Variants in CTNNA3 observed in about 807,000 individuals in gnomAD.
The protein encoded by CTNNA3 is catenin alpha-3.
In CTNNA3, 76 loss-of-function variants were observed where a neutral mutation model predicts 95.7. The ratio of observed to expected loss-of-function variants is 0.79; its 90% CI spans 0.66 to 0.96. The LOEUF (loss-of-function observed/expected upper bound fraction) is 0.96, where lower values mean the gene tolerates loss of function less well. Ranked by LOEUF, CTNNA3 falls within the 40% of genes least tolerant of loss-of-function variation. The probability of loss-of-function intolerance (pLI) is 0.00; values close to 1 mark genes in which losing one functional copy is unlikely to be tolerated. For synonymous variants in CTNNA3, 431 were observed against 374.4 expected, an observed-to-expected ratio of 1.15 and a Z score of -1.74; for missense variants, 1,191 against 1,089.8, an observed-to-expected ratio of 1.09 and a Z score of -1.31.
At chr10:67,024,632 G>A (rs759770380) in intron 7 of CTNNA3, among the ~76,000 whole-genome samples, 1 of 152,090 alleles carries the variant, frequency 6.6e-6, no homozygotes, top group Non-Finnish European at 1.5e-5. Context: ...AGCCATATAT[G>A]CAAATGGGTG....
At chr10:66,803,155 C>T (rs1016144358) in intron 7 of CTNNA3, among the ~76,000 whole-genome samples, 1 of 151,970 alleles carries the variant, frequency 6.6e-6, no homozygotes, top group African/African-American at 2.4e-5. Flanking sequence ...TTTTTATCTT[C>T]TTACAATAGA....
chr10:67,373,303 A>G (rs540008411), intron 5 of CTNNA3, among the ~76,000 whole-genome samples: 2 of 152,234 alleles, frequency 1.3e-5, no homozygotes, highest in Non-Finnish European at 2.9e-5. Flanking sequence ...TGGAAAACAA[A>G]AAAAAGGCAG....
At chr10:67,394,141 T>G (rs1450884672) in intron 5 of CTNNA3, among the ~76,000 whole-genome samples, 1 of 152,146 alleles carries the variant, frequency 6.6e-6, no homozygotes, top group Non-Finnish European at 1.5e-5. Context: ...TATGACTCTT[T>G]TGTGTGTGTG....
Position 67,750,731 on chromosome 10 carries a change from A to T in CTNNA3, c.-2+12703T>A, listed in dbSNP as rs904948179. On this transcript the variant is annotated intron_variant, in intron 1 of 17. Transcript: ENST00000684154. ...TGGGAGGCCATGGAGGAGCTGGTGG[A>T]TGAGGGGCTGGTGAAAGCCCTTGGG... 1.9e-6 allele frequency: 3 copies of T among 1,582,154 alleles called. No individual in the cohort carries two copies. In the African/African-American group the frequency reaches 4.0e-5, roughly 21 times the overall value.
At chr10:66,000,729 C>G (rs1258598703) in intron 15 of CTNNA3, among the ~76,000 whole-genome samples, 1 of 152,112 alleles carries the variant, frequency 6.6e-6, no homozygotes, top group Non-Finnish European at 1.5e-5. Flanking sequence ...AGACACTATA[C>G]TATACACACA....
At chr10:66,643,294 T>C (rs1443749423) in intron 9 of CTNNA3, among the ~76,000 whole-genome samples, 1 of 152,192 alleles carries the variant, frequency 6.6e-6, no homozygotes, top group Non-Finnish European at 1.5e-5. Flanking sequence ...GAATTCAATG[T>C]ATCTTGTACA....
chr10:67,004,075 C>A (rs1851832845), intron 7 of CTNNA3, among the ~76,000 whole-genome samples: 1 of 151,808 alleles, frequency 6.6e-6, no homozygotes, highest in Non-Finnish European at 1.5e-5. Context: ...AAATAACTTA[C>A]CTGCATTTTG....
At chr10:66,428,738 G>C (rs1392977409) in intron 11 of CTNNA3, among the ~76,000 whole-genome samples, 1 of 151,820 alleles carries the variant, frequency 6.6e-6, no homozygotes, top group Non-Finnish European at 1.5e-5. Flanking sequence ...AGAATATCTG[G>C]GACACATTTA....
At chr10:67,486,807 T>A (rs190708074) in intron 5 of CTNNA3, among the ~76,000 whole-genome samples, 246 of 152,342 alleles carry the variant, frequency 1.6e-3, no homozygotes, top group African/African-American at 5.5e-3. Flanking sequence ...TTGTTTTATA[T>A]ATGAAGAATT....
At chr10:66,102,020 A>G (rs2081653905) in intron 14 of CTNNA3, among the ~76,000 whole-genome samples, 1 of 152,132 alleles carries the variant, frequency 6.6e-6, no homozygotes, top group Non-Finnish European at 1.5e-5. Flanking sequence ...TGTGACATGG[A>G]GTTAACCAAA....
chr10:67,717,650 G>A (rs1295449774), intron 1 of CTNNA3, among the ~76,000 whole-genome samples: 1 of 152,066 alleles, frequency 6.6e-6, no homozygotes, highest in Non-Finnish European at 1.5e-5. Flanking sequence ...TTATTTCTGA[G>A]GCCTCTGTTC....
intron 11 of CTNNA3, among the ~76,000 whole-genome samples, chr10:66,462,259 GA>G (rs1349586738): frequency 3.9e-5 from 6 of 152,048 alleles, no homozygotes; most frequent in African/African-American, 1.4e-4. Flanking sequence ...TTATTGACAG[GA>G]AAAGACTTAA....
chr10:66,762,488 GT>G (rs1839640026), intron 9 of CTNNA3, among the ~76,000 whole-genome samples: 2 of 151,756 alleles, frequency 1.3e-5, no homozygotes, highest in South Asian at 4.2e-4. Context: ...ACTATCCAGG[GT>G]TTTATAACCA....
chr10:67,595,286 C>A (rs1842905811), intron 3 of CTNNA3, among the ~76,000 whole-genome samples: 1 of 152,130 alleles, frequency 6.6e-6, no homozygotes, highest in South Asian at 2.1e-4. Context: ...TATAAACTTT[C>A]CTCTTAACAC....
At chr10:67,209,937 T>C (rs1864071836) in intron 6 of CTNNA3, among the ~76,000 whole-genome samples, 1 of 151,850 alleles carries the variant, frequency 6.6e-6, no homozygotes, top group Non-Finnish European at 1.5e-5. Flanking sequence ...AGACTAAAAA[T>C]TAACTCAATA....
At chr10:67,119,066 G>A (rs1188135242) in intron 7 of CTNNA3, among the ~76,000 whole-genome samples, 4 of 151,812 alleles carry the variant, frequency 2.6e-5, no homozygotes, top group Non-Finnish European at 5.9e-5. Context: ...AATATAACTG[G>A]AGTAAAGCCA....
rs943221906 is a variant in CTNNA3 at position 66,930,492 on chromosome 10, AC to A, written c.1048-154969del. Among the ~76,000 whole-genome samples the A allele has an allele frequency of 1.7e-3, 256 of 152,300 alleles. 2 individuals carry two copies. Among genetic ancestry groups the A allele is most frequent in the African/African-American group, 5.6e-3 (234 of 41,572 alleles). ...TTTGGCTAGCCTCATTTTTATCTGT[AC>A]TAAAGATGTTTGTATTAATGAAATG... is the stretch of plus-strand genomic sequence containing the variant. On this transcript the variant is annotated intron_variant, in intron 7 of 17. Coordinates refer to ENST00000433211, the MANE Select transcript of CTNNA3 (RefSeq NM_013266.4).
chr10:67,243,665 G>C (rs1431116937), intron 5 of CTNNA3, among the ~76,000 whole-genome samples: 2 of 152,138 alleles, frequency 1.3e-5, no homozygotes, highest in African/African-American at 4.8e-5. Context: ...CTTTTCTCCA[G>C]ATACATAGAA....
chr10:66,377,350 A>AT (rs1374277870), intron 12 of CTNNA3, among the ~76,000 whole-genome samples: 1 of 152,052 alleles, frequency 6.6e-6, no homozygotes, highest in Non-Finnish European at 1.5e-5. Context: ...AAGAAAACAG[A>AT]TTTTTTTCTC....
Sources: gnomAD v4.1 joint callset for allele counts (sites outside exome capture counted in the v4.1 genomes callset) on GRCh38, gnomAD v4.1.1 for gene constraint, MANE v1.5 for transcripts, NCBI Gene and HGNC (gene_info 2026-07-23, HGNC 2026-07-21) for gene names.